Variants in NAA35 observed in about 807,000 individuals in gnomAD.
The protein encoded by NAA35 is N-alpha-acetyltransferase 35, NatC auxiliary subunit, also known as MAK10 homolog, amino-acid N-acetyltransferase subunit.
A neutral mutation model predicts 101.7 loss-of-function variants in NAA35; 18 were observed. That is an observed-to-expected ratio of 0.18 (90% CI 0.12 to 0.26). NAA35 has a LOEUF of 0.26. Ranked by LOEUF, NAA35 falls within the 10% of genes least tolerant of loss-of-function variation. NAA35 has a pLI of 1.00. For synonymous variants in NAA35, 267 were observed against 273.1 expected (o/e 0.98, Z 0.22); for missense variants, 601 against 886.8 (o/e 0.68, Z 4.09).
chr9:86,014,441 T>A, intron 17 of NAA35: 7 of 738,732 alleles, frequency 9.5e-6, no homozygotes, highest in Non-Finnish European at 1.2e-5. Flanking sequence ...AAGAGGATGT[T>A]TGAGCATATT....
In NAA35 at chr9:85,989,490, C is replaced by CA. The variant is rs112345322; in HGVS notation, c.878-6900dup. 2.5e-3 allele frequency among the ~76,000 whole-genome samples: 370 copies of CA among 149,322 alleles called. 3 individuals are homozygous for CA. In the South Asian group the frequency reaches 0.033, roughly 13 times the overall value. On this transcript the variant is annotated intron_variant, in intron 11 of 22. Coordinates refer to ENST00000361671, the MANE Select transcript of NAA35 (RefSeq NM_024635.4). Reference sequence around the variant, plus strand: ...TGTCAAAAAACAAAAAACAAACAAACAAAAAAAAACAAAGACAAAACAAAA... The same window carrying CA: ...TGTCAAAAAACAAAAAACAAACAAACAAAAAAAAAACAAAGACAAAACAAAA...
intron 6 of NAA35, among the ~76,000 whole-genome samples, chr9:85,971,574 TC>T (rs762183985): frequency 2.6e-5 from 4 of 152,164 alleles, no homozygotes; most frequent in Admixed American, 2.0e-4. Context: ...CTTGAGTCTT[TC>T]CCTGACTTCA....
At chr9:85,957,172 CATTG>C (rs965051699) in intron 3 of NAA35, among the ~76,000 whole-genome samples, 4 of 152,224 alleles carry the variant, frequency 2.6e-5, no homozygotes, top group African/African-American at 9.6e-5. Context: ...TAACATAAAC[CATTG>C]ATTAACACAT....
At chr9:86,010,931 G>A (rs1414517566) in intron 15 of NAA35, among the ~76,000 whole-genome samples, 1 of 151,084 alleles carries the variant, frequency 6.6e-6, no homozygotes, top group Non-Finnish European at 1.5e-5. Flanking sequence ...TTATATTAAT[G>A]AACTGAGTTA....
chr9:85,989,566 C>T (rs981599120), intron 11 of NAA35, among the ~76,000 whole-genome samples: 1 of 152,084 alleles, frequency 6.6e-6, no homozygotes, highest in Non-Finnish European at 1.5e-5. Flanking sequence ...TTGAGTGACA[C>T]TCGTAGAAAT....
At chr9:86,020,601 T>C (rs773511882) in intron 21 of NAA35, among the ~76,000 whole-genome samples, 66 of 152,322 alleles carry the variant, frequency 4.3e-4, no homozygotes, top group Admixed American at 6.5e-4. Context: ...CTCAACACTT[T>C]GGGAGGCCAG....
chr9:85,941,858 T>A, intron 1 of NAA35: 1 of 1,091,704 alleles, frequency 9.2e-7, no homozygotes, highest in Non-Finnish European at 1.1e-6. Flanking sequence ...TCTGGAGTTG[T>A]TCTTTTCGGG....
intron 11 of NAA35, among the ~76,000 whole-genome samples, chr9:85,989,496 AAAAC>A (rs375855497): frequency 5.3e-5 from 8 of 151,924 alleles, no homozygotes; most frequent in South Asian, 4.2e-4. Context: ...CAAACAAAAA[AAAAC>A]AAAGACAAAA....
At chr9:86,000,738 A>G (rs1287735352) in intron 12 of NAA35, among the ~76,000 whole-genome samples, 1 of 152,036 alleles carries the variant, frequency 6.6e-6, no homozygotes, top group East Asian at 1.9e-4. Flanking sequence ...TGGGGTCAGT[A>G]GTAACATTCC....
chr9:86,024,293 G>GGAGGGGA lies in NAA35; in HGVS notation c.*2339_*2345dup, dbSNP rs1832687826. Among the ~76,000 whole-genome samples, 1 of 152,338 alleles carries GGAGGGGA rather than the reference G, an allele frequency of 6.6e-6. No individual in the cohort carries two copies. Among genetic ancestry groups the GGAGGGGA allele is most frequent in the African/African-American group, 2.4e-5 (1 of 41,574 alleles). On this transcript the variant is annotated 3_prime_UTR_variant, in exon 23 of 23. Coordinates refer to ENST00000361671, the MANE Select transcript of NAA35 (RefSeq NM_024635.4). Reference sequence around the variant, plus strand: ...TCCCAGACAGAATGTGCACAGGCTTGGAGGGGAGAGGGTAGCAGCCTGGCC... The same window carrying GGAGGGGA: ...TCCCAGACAGAATGTGCACAGGCTTGGAGGGGAGAGGGGAGAGGGTAGCAGCCTGGCC...
intron 11 of NAA35, among the ~76,000 whole-genome samples, chr9:85,980,710 A>G (rs1830403303): frequency 6.6e-6 from 1 of 152,216 alleles, no homozygotes; most frequent in Non-Finnish European, 1.5e-5. Flanking sequence ...TTTATGAAAT[A>G]TGCCTTAAAA....
chr9:85,948,726 A>G (rs1438327959), intron 2 of NAA35, among the ~76,000 whole-genome samples: 2 of 152,156 alleles, frequency 1.3e-5, no homozygotes, highest in Non-Finnish European at 2.9e-5. Flanking sequence ...ACATTCTGAT[A>G]CATGTGAAAG....
intron 11 of NAA35, among the ~76,000 whole-genome samples, chr9:85,979,891 G>A (rs997255574): frequency 3.7e-4 from 57 of 152,222 alleles, no homozygotes; most frequent in Middle Eastern, 3.4e-3. Context: ...CTATCTACCC[G>A]GAGGTAATGC....
chr9:85,954,869 G>A (rs1308940701), intron 2 of NAA35, among the ~76,000 whole-genome samples: 8 of 152,092 alleles, frequency 5.3e-5, no homozygotes, highest in Non-Finnish European at 7.4e-5. Flanking sequence ...ACCACTCTTC[G>A]AGAATTGCTG....
intron 10 of NAA35, 54 bp from the exon 11 acceptor site, chr9:85,978,213 T>C: frequency 9.7e-7 from 1 of 1,034,968 alleles, no homozygotes; most frequent in Non-Finnish European, 1.5e-6. Context: ...CTATTTAATG[T>C]ATATCTTTCA....
chr9:86,013,015 T>C, intron 15 of NAA35, 31 bp from the exon 16 acceptor site: 1 of 1,411,250 alleles, frequency 7.1e-7, no homozygotes, highest in South Asian at 1.6e-5. Flanking sequence ...AATTTCATAT[T>C]TACAGTTGAC....
At chr9:86,020,121 GTATAAAATATCTT>G (rs1263011157) in intron 21 of NAA35, among the ~76,000 whole-genome samples, 1 of 152,176 alleles carries the variant, frequency 6.6e-6, no homozygotes, top group Admixed American at 6.5e-5. Flanking sequence ...ATGTGTGCGA[GTATAAAATATCTT>G]TATAAAGATA....
At chr9:85,946,799 A>G (rs753578271) in intron 2 of NAA35, among the ~76,000 whole-genome samples, 1 of 151,764 alleles carries the variant, frequency 6.6e-6, no homozygotes, top group Non-Finnish European at 1.5e-5. Context: ...GGCTTTGTTC[A>G]TTCCTCCGTA....
rs1488751820 is a variant in NAA35, at chr9:86,016,563, A to G, written c.1593A>G (p.Ala531=). Residue 531 remains alanine, a synonymous_variant, in exon 18 of 23, where the codon GCA becomes GCG. Coordinates refer to ENST00000361671, the MANE Select transcript of NAA35 (RefSeq NM_024635.4). The part of the protein sequence containing the change: ...IYWYLSEFLY[A]WLMSTLSRAD... Reference sequence around the variant, plus strand: ...GGTATCTCTCTGAATTCCTTTACGCATGGTTGATGTCAACATTGAGTCGTG... The same window carrying G: ...GGTATCTCTCTGAATTCCTTTACGCGTGGTTGATGTCAACATTGAGTCGTG... The G allele has an allele frequency of 2.5e-6, 4 of 1,614,004 alleles. No individual in the cohort carries two copies. Among genetic ancestry groups the G allele is most frequent in the Non-Finnish European group, 2.5e-6 (3 of 1,179,944 alleles).
Sources: allele counts gnomAD v4.1 joint callset (sites outside exome capture counted in the v4.1 genomes callset), GRCh38; gene constraint gnomAD v4.1.1; transcripts MANE v1.5; gene names NCBI Gene and HGNC (gene_info 2026-07-23, HGNC 2026-07-21).